The following CNTNAP2 variants were observed in gnomAD, a reference collection of about 807,000 sequenced individuals.
CNTNAP2 encodes the protein contactin associated protein 2, also known as contactin-associated protein-like 2.
In CNTNAP2, 98 loss-of-function variants were observed where a neutral mutation model predicts 155.2. The ratio of observed to expected loss-of-function variants is 0.63; its 90% CI spans 0.54 to 0.75. The LOEUF is 0.75. CNTNAP2 is among the 30% of genes least tolerant of loss of function. The probability of loss-of-function intolerance (pLI) is 0.00; values close to 1 mark genes in which losing one functional copy is unlikely to be tolerated. For missense variants in CNTNAP2, 1,727 were observed against 1,688.1 expected, an observed-to-expected ratio of 1.02 and a Z score of -0.40; for synonymous variants, 651 against 631.2, an observed-to-expected ratio of 1.03 and a Z score of -0.47.
chr7:146,247,361 G>C (rs1799678241), intron 1 of CNTNAP2, among the ~76,000 whole-genome samples: 1 of 152,168 alleles, frequency 6.6e-6, no homozygotes, highest in African/African-American at 2.4e-5. Context: ...CGGGTGTGAG[G>C]AGGGGAGGTG....
intron 1 of CNTNAP2, among the ~76,000 whole-genome samples, chr7:146,325,314 T>G (rs1467609642): frequency 1.3e-5 from 2 of 152,198 alleles, no homozygotes; most frequent in African/African-American, 4.8e-5. Flanking sequence ...TTTCTTAAAA[T>G]GTACAATATA....
At chr7:147,776,792 C>T (rs1390111863) in intron 13 of CNTNAP2, among the ~76,000 whole-genome samples, 1 of 151,216 alleles carries the variant, frequency 6.6e-6, no homozygotes, top group Non-Finnish European at 1.5e-5. Flanking sequence ...AGATTTTTAC[C>T]TTTTTTTCTT....
intron 8 of CNTNAP2, among the ~76,000 whole-genome samples, chr7:147,209,392 C>T (rs1446041265): frequency 6.6e-6 from 1 of 151,826 alleles, no homozygotes; most frequent in Non-Finnish European, 1.5e-5. Context: ...TGGCTCTGAG[C>T]TTGAACACTT....
chr7:146,418,303 A>C (rs7808563), intron 1 of CNTNAP2, among the ~76,000 whole-genome samples: 14,549 of 152,226 alleles, frequency 0.096, 2,097 homozygotes, highest in African/African-American at 0.31. Context: ...GTCAGGGCAC[A>C]TCCCAGCACC....
Position 147,959,606 on chromosome 7 carries a change from G to A in CNTNAP2, c.2256-18256G>A, listed in dbSNP as rs151079647. On this transcript the variant is annotated intron_variant, in intron 14 of 23. Coordinates refer to ENST00000361727, the MANE Select transcript of CNTNAP2 (RefSeq NM_014141.6). ...GCAGTTCTGCAGTCATGTTTATACC[G>A]ACCTTGAATTACATGTAGATTAAGG... is the stretch of plus-strand genomic sequence containing the variant. Among the ~76,000 whole-genome samples, 194 of 152,240 alleles carry A rather than the reference G, an allele frequency of 1.3e-3. 1 individual carries two copies. Among genetic ancestry groups the A allele is most frequent in the African/African-American group, 4.3e-3 (178 of 41,560 alleles).
At chr7:146,256,578 T>C (rs1799841115) in intron 1 of CNTNAP2, among the ~76,000 whole-genome samples, 1 of 151,770 alleles carries the variant, frequency 6.6e-6, no homozygotes, top group Non-Finnish European at 1.5e-5. Flanking sequence ...ATAATTCAAA[T>C]ACAGAACCCA....
At chr7:147,697,149 A>G (rs1294962954) in intron 13 of CNTNAP2, among the ~76,000 whole-genome samples, 3 of 152,180 alleles carry the variant, frequency 2.0e-5, no homozygotes, top group Non-Finnish European at 4.4e-5. Flanking sequence ...CATTCAGTCT[A>G]CTAATTAAAT....
chr7:147,068,740 C>G (rs1799832872), intron 4 of CNTNAP2, among the ~76,000 whole-genome samples: 1 of 152,232 alleles, frequency 6.6e-6, no homozygotes, highest in Admixed American at 6.5e-5. Flanking sequence ...CCAAGAGTTT[C>G]CAGTCTGCCT....
chr7:147,373,864 T>C (rs1796390243), intron 9 of CNTNAP2, among the ~76,000 whole-genome samples: 1 of 152,028 alleles, frequency 6.6e-6, no homozygotes, highest in South Asian at 2.1e-4. Context: ...TTTTTATGTA[T>C]AGAAGATATA....
chr7:146,678,221 G>A (rs574581947), intron 1 of CNTNAP2, among the ~76,000 whole-genome samples: 6 of 149,156 alleles, frequency 4.0e-5, no homozygotes, highest in African/African-American at 1.2e-4. Context: ...GGCGACCACC[G>A]CCACACCTAG....
chr7:148,349,816 C>T (rs1563053316), intron 21 of CNTNAP2, among the ~76,000 whole-genome samples: 1 of 152,136 alleles, frequency 6.6e-6, no homozygotes. Context: ...GACCAAAGAC[C>T]CTGAGGTCAG....
intron 13 of CNTNAP2, among the ~76,000 whole-genome samples, chr7:147,720,217 G>T (rs1217662156): frequency 2.0e-5 from 3 of 152,052 alleles, no homozygotes; most frequent in African/African-American, 7.2e-5. Flanking sequence ...GAAAAGAGAG[G>T]AAAAAGAGCA....
chr7:147,650,785 G>T (rs572886236), intron 13 of CNTNAP2, among the ~76,000 whole-genome samples: 1 of 152,086 alleles, frequency 6.6e-6, no homozygotes, highest in East Asian at 1.9e-4. Flanking sequence ...CCCCTGAGTT[G>T]TTTACTGGAC....
chr7:148,359,798 C>T (rs1798582719), intron 21 of CNTNAP2, among the ~76,000 whole-genome samples: 1 of 152,068 alleles, frequency 6.6e-6, no homozygotes, highest in Non-Finnish European at 1.5e-5. Context: ...TTCTCACTGC[C>T]CTGGGATACA....
intron 21 of CNTNAP2, among the ~76,000 whole-genome samples, chr7:148,313,569 G>A (rs371576109): frequency 1.2e-4 from 19 of 152,140 alleles, no homozygotes; most frequent in African/African-American, 3.4e-4. Context: ...CAGTTCAGGC[G>A]TTTGGAGTTC....
chr7:146,997,292 T>G (rs1798330161), intron 3 of CNTNAP2, among the ~76,000 whole-genome samples: 1 of 152,178 alleles, frequency 6.6e-6, no homozygotes, highest in Admixed American at 6.6e-5. Flanking sequence ...CATGTTAAAT[T>G]TTGTAAAAAG....
Position 146,607,976 on chromosome 7 carries a change from G to A in CNTNAP2, c.98-166295G>A, listed in dbSNP as rs931509326. Among the ~76,000 whole-genome samples the A allele has an allele frequency of 5.3e-5, 8 of 151,924 alleles. No homozygotes were observed. In the South Asian group the frequency reaches 1.5e-3, roughly 28 times the overall value. On this transcript the variant is annotated intron_variant, in intron 1 of 23. Coordinates refer to ENST00000361727, the MANE Select transcript of CNTNAP2 (RefSeq NM_014141.6). ...TATTCCTTTCTTCATTTTGTAAAAA[G>A]GACACATTCATTTAAAGGAAGCAGA...
At chr7:147,031,546 A>G (rs971437649) in intron 3 of CNTNAP2, among the ~76,000 whole-genome samples, 2 of 152,230 alleles carry the variant, frequency 1.3e-5, no homozygotes, top group African/African-American at 4.8e-5. Context: ...GATAATAACG[A>G]TATGAGGGAA....
rs536078630 is a variant in CNTNAP2 at position 146,892,483 on chromosome 7, A to G, written c.402+52579A>G. ...ATAGAATTTGTAGCCATCTTAATTTATTATGATAATGTTATTTTTATCTCA... is the reference window on the plus strand; with the variant it reads ...ATAGAATTTGTAGCCATCTTAATTTGTTATGATAATGTTATTTTTATCTCA... On this transcript the variant is annotated intron_variant, in intron 3 of 23. Transcript: ENST00000361727. Among the ~76,000 whole-genome samples the G allele has an allele frequency of 6.5e-4, 99 of 152,342 alleles. 1 individual carries two copies. The highest frequency in any genetic ancestry group is 2.2e-3 in the African/African-American group (92 of 41,582).
Sources: gnomAD v4.1 joint callset for allele counts (sites outside exome capture counted in the v4.1 genomes callset) on GRCh38, gnomAD v4.1.1 for gene constraint, MANE v1.5 for transcripts, NCBI Gene and HGNC (gene_info 2026-07-23, HGNC 2026-07-21) for gene names.